Variants in ABAT observed in about 807,000 individuals in gnomAD.
ABAT encodes the protein 4-aminobutyrate aminotransferase, mitochondrial.
ABAT carries 45 observed loss-of-function variants against 64.6 expected under a neutral mutation model. The observed-to-expected ratio is 0.70, with a 90% CI of 0.55 to 0.89. The LOEUF (loss-of-function observed/expected upper bound fraction) is 0.89. Among genes scored for constraint, ABAT ranks in the 40% least tolerant of loss-of-function variants. The probability of loss-of-function intolerance (pLI) is 0.00; values close to 1 mark genes in which losing one functional copy is unlikely to be tolerated. For synonymous variants in ABAT, 297 were observed against 250.5 expected (o/e 1.19, Z -1.75); for missense variants, 633 against 658.4 (o/e 0.96, Z 0.42).
chr16:8,770,012 G>A (rs2060057648), intron 11 of ABAT, among the ~76,000 whole-genome samples: 1 of 152,124 alleles, frequency 6.6e-6, no homozygotes, highest in Non-Finnish European at 1.5e-5. Flanking sequence ...ATGGCATCAA[G>A]TACAGCACTG....
chr16:8,728,922 G>T (rs1023908098), intron 1 of ABAT, among the ~76,000 whole-genome samples: 2 of 152,132 alleles, frequency 1.3e-5, no homozygotes. Context: ...CACTTTCCAA[G>T]CCCACACTTT....
intron 1 of ABAT, among the ~76,000 whole-genome samples, chr16:8,687,174 T>A (rs2057474023): frequency 6.6e-6 from 1 of 152,070 alleles, no homozygotes; most frequent in Non-Finnish European, 1.5e-5. Flanking sequence ...GGAAAGTGTT[T>A]GCCGAGAGCA....
At chr16:8,757,617 G>T in intron 5 of ABAT, 140 bp from the exon 6 acceptor site, 1 of 954,396 alleles carries the variant, frequency 1.0e-6, no homozygotes, top group Non-Finnish European at 1.6e-6. Flanking sequence ...ATCTCTTTTT[G>T]TCAACAAAGG....
chr16:8,776,556 A>T lies in ABAT; in HGVS notation c.1269+66A>T. ...TCCCCGCAGCAGCCTCCGGGGCAAC[A>T]CTGGAGCTCTTCGGCATGGTGTTGT... On this transcript the variant is annotated intron_variant, in intron 14 of 15. Coordinates refer to ENST00000268251, the MANE Select transcript of ABAT (RefSeq NM_020686.6). This position sits in a 1 kb window ranked among gnomAD's most constrained non-coding sequence, Gnocchi z 4.4. 2 of 1,469,716 alleles carry T rather than the reference A, an allele frequency of 1.4e-6. No homozygotes were observed. Among genetic ancestry groups the T allele is most frequent in the Non-Finnish European group, 1.9e-6 (2 of 1,078,132 alleles). 91.0% of individuals were successfully genotyped at this position (1,469,716 alleles called of 1,614,324 possible).
chr16:8,780,707 G>C (rs2060407939), intron 15 of ABAT: 1 of 170,930 alleles, frequency 5.9e-6, no homozygotes, highest in African/African-American at 2.4e-5. Context: ...GTTGCAGTGA[G>C]TGAGACTGGG....
At chr16:8,698,004 A>G (rs1167943141) in intron 1 of ABAT, among the ~76,000 whole-genome samples, 1 of 152,236 alleles carries the variant, frequency 6.6e-6, no homozygotes, top group Non-Finnish European at 1.5e-5. Context: ...AATAGCTGAC[A>G]TGATCAGTAA....
At chr16:8,742,267 G>A (rs889951569) in intron 2 of ABAT, among the ~76,000 whole-genome samples, 2 of 152,134 alleles carry the variant, frequency 1.3e-5, no homozygotes, top group East Asian at 1.9e-4. Context: ...CCATTCAGCC[G>A]CAGCTCCCCC....
At chr16:8,753,584 G>A (rs2059554765) in intron 5 of ABAT, among the ~76,000 whole-genome samples, 1 of 152,226 alleles carries the variant, frequency 6.6e-6, no homozygotes, top group African/African-American at 2.4e-5. Flanking sequence ...GGTCTACCTG[G>A]AACAGGCTTA....
In ABAT at chr16:8,764,014, C is replaced by A; in HGVS notation, c.367-55C>A. ...GGCTATGAAAAGCACCATTTGTGGG[C>A]AGGGAGCTGGGTCAGGCCCCCAGAA... On this transcript the variant is annotated intron_variant, in intron 6 of 15. Coordinates refer to ENST00000268251, the MANE Select transcript of ABAT (RefSeq NM_020686.6). The surrounding 1 kb of genome is among the most constrained non-coding windows in gnomAD (Gnocchi z 4.2). The A allele has an allele frequency of 6.9e-7, 1 of 1,448,272 alleles. No homozygotes were observed. The highest frequency in any genetic ancestry group is 1.1e-5 in the South Asian group (1 of 87,756). 89.7% of individuals were successfully genotyped at this position (1,448,272 alleles called of 1,614,324 possible).
At chr16:8,680,642 G>T (rs543653209) in intron 1 of ABAT, among the ~76,000 whole-genome samples, 2 of 152,270 alleles carry the variant, frequency 1.3e-5, no homozygotes, top group South Asian at 4.2e-4. Context: ...TGGCCAGGCT[G>T]GTCTTGAACT....
At chr16:8,732,709 C>A (rs1298857447) in intron 1 of ABAT, among the ~76,000 whole-genome samples, 1 of 151,188 alleles carries the variant, frequency 6.6e-6, no homozygotes, top group African/African-American at 2.5e-5. Flanking sequence ...CCATTGTCAT[C>A]CTGGCCCGTT....
intron 1 of ABAT, among the ~76,000 whole-genome samples, chr16:8,707,621 G>A (rs1311261074): frequency 2.0e-5 from 3 of 152,110 alleles, no homozygotes; most frequent in Admixed American, 6.5e-5. Flanking sequence ...TTACCTTTAC[G>A]TCAGTTTGCA....
intron 3 of ABAT, 129 bp downstream of exon 3, chr16:8,746,227 C>T: frequency 2.6e-6 from 2 of 766,844 alleles, no homozygotes; most frequent in Non-Finnish European, 2.2e-6. Context: ...CACCAGAGAT[C>T]TGAGATACTC....
intron 1 of ABAT, among the ~76,000 whole-genome samples, chr16:8,690,943 G>A (rs1006015891): frequency 6.6e-6 from 1 of 152,122 alleles, no homozygotes; most frequent in Non-Finnish European, 1.5e-5. Flanking sequence ...GCAAATGAAT[G>A]TATGAAGAAG....
intron 5 of ABAT, among the ~76,000 whole-genome samples, chr16:8,754,875 C>T (rs1028241037): frequency 6.6e-6 from 1 of 151,880 alleles, no homozygotes; most frequent in African/African-American, 2.4e-5. Flanking sequence ...CCTGCCACCA[C>T]GCTGGGCTAA....
chr16:8,712,067 C>T (rs984611417), intron 1 of ABAT, among the ~76,000 whole-genome samples: 286 of 151,924 alleles, frequency 1.9e-3, no homozygotes, highest in African/African-American at 6.5e-3. Context: ...ACCGTCTCTA[C>T]TAAAAATACA....
intron 1 of ABAT, among the ~76,000 whole-genome samples, chr16:8,725,399 CCT>C (rs1206466534): frequency 1.3e-5 from 2 of 152,082 alleles, no homozygotes; most frequent in Admixed American, 6.6e-5. Flanking sequence ...CCTGCCAACC[CCT>C]GATTTATTTT....
At chr16:8,748,950 T>C (rs1480889713) in intron 4 of ABAT, among the ~76,000 whole-genome samples, 2 of 152,222 alleles carry the variant, frequency 1.3e-5, no homozygotes, top group Non-Finnish European at 2.9e-5. Flanking sequence ...TGGTTCTTTT[T>C]ATCCAGTCTG....
chr16:8,694,592 G>A (rs73497648), intron 1 of ABAT, among the ~76,000 whole-genome samples: 1,965 of 150,804 alleles, frequency 0.013, 43 homozygotes, highest in African/African-American at 0.045. Flanking sequence ...CGCCCAAGCT[G>A]GTCTGGAACT....
Sources: gnomAD v4.1 joint callset for allele counts (sites outside exome capture counted in the v4.1 genomes callset) on GRCh38, gnomAD v4.1.1 for gene constraint, Gnocchi (gnomAD v3.1) non-coding constraint, MANE v1.5 for transcripts, NCBI Gene and HGNC (gene_info 2026-07-23, HGNC 2026-07-21) for gene names.